PEAK1: variants seen among roughly 807,000 people sequenced by gnomAD.
PEAK1 encodes the protein pseudopodium enriched atypical kinase 1.
In PEAK1, 54 loss-of-function variants were observed where a neutral mutation model predicts 124.7. The observed-to-expected ratio is 0.43, with a 90% CI of 0.35 to 0.54. PEAK1 has a LOEUF of 0.54. Ranked by LOEUF, PEAK1 falls within the 20% of genes least tolerant of loss-of-function variation. PEAK1 has a pLI of 0.01. For missense variants in PEAK1, 2,046 were observed against 2,134.5 expected (o/e 0.96, Z 0.82); for synonymous variants, 719 against 760.0 (o/e 0.95, Z 0.89).
At chr15:77,343,593 C>G (rs1237658430) in intron 2 of PEAK1, among the ~76,000 whole-genome samples, 4 of 148,054 alleles carry the variant, frequency 2.7e-5, no homozygotes, top group African/African-American at 1.0e-4. Context: ...TTCAATGATT[C>G]TCCTGCCTCA....
At chr15:77,208,179 A>G (rs1251028917) in intron 6 of PEAK1, among the ~76,000 whole-genome samples, 1 of 152,202 alleles carries the variant, frequency 6.6e-6, no homozygotes, top group Non-Finnish European at 1.5e-5. Flanking sequence ...CTTTAATTCA[A>G]TACAATAATC....
intron 8 of PEAK1, among the ~76,000 whole-genome samples, chr15:77,148,900 C>T (rs913318796): frequency 1.6e-4 from 25 of 151,934 alleles, no homozygotes; most frequent in Non-Finnish European, 2.4e-4. Flanking sequence ...CCAGCATGGG[C>T]GATAGAGCAA....
chr15:77,371,107 G>A, intron 1 of PEAK1: 1 of 950,862 alleles, frequency 1.1e-6, no homozygotes, highest in Non-Finnish European at 1.3e-6. Flanking sequence ...GTGACTTTAA[G>A]GCTGAATTAT....
chr15:77,276,434 C>T lies in PEAK1; in HGVS notation c.-275+7449G>A, dbSNP rs1444535339. ...CCACGGAAGCCAGAAGGAACTGGCA[C>T]GATATCTTTCAGGTGCTAGGAGAAA... On this transcript the variant is annotated intron_variant, in intron 5 of 9. Transcript: ENST00000682557. Among the ~76,000 whole-genome samples the T allele has an allele frequency of 2.0e-5, 3 of 152,168 alleles. 1 individual carries two copies. The highest frequency in any genetic ancestry group is 4.1e-4 in the South Asian group (2 of 4,822).
At chr15:77,368,861 A>G (rs2068446653) in intron 1 of PEAK1, among the ~76,000 whole-genome samples, 1 of 152,154 alleles carries the variant, frequency 6.6e-6, no homozygotes, top group Non-Finnish European at 1.5e-5. Flanking sequence ...TGAGATAACT[A>G]CTCCATTATA....
chr15:77,296,867 C>T (rs115954900), intron 2 of PEAK1, among the ~76,000 whole-genome samples: 2,559 of 151,384 alleles, frequency 0.017, 119 homozygotes, highest in African/African-American at 0.058. Flanking sequence ...GAGAACGAGA[C>T]AAAGGAGGGA....
rs111894062 is a variant in PEAK1 at position 77,225,564 on chromosome 15, T to C, written c.-115+26803A>G. ...GCTTAAAAATAGTTGTGACATGAAATTTTCCTATAAGGTGTTCTGGTCCAG... is the reference window on the plus strand; with the variant it reads ...GCTTAAAAATAGTTGTGACATGAAACTTTCCTATAAGGTGTTCTGGTCCAG... On this transcript the variant is annotated intron_variant, in intron 6 of 9. Transcript: ENST00000682557. 3.2e-3 allele frequency among the ~76,000 whole-genome samples: 484 copies of C among 149,416 alleles called. 5 individuals carry two copies. Among genetic ancestry groups the C allele is most frequent in the African/African-American group, 0.012 (468 of 40,426 alleles).
chr15:77,109,750 G>C lies in PEAK1; in HGVS notation c.*4406C>G, dbSNP rs2152704094. On this transcript the variant is annotated 3_prime_UTR_variant, in exon 10 of 10. Coordinates refer to ENST00000682557, the MANE Select transcript of PEAK1 (RefSeq NM_001385026.1). ...GGGCAGCCATCCTGTTCACTCATTAGGCTGGAGCGGAATTTTCAATCCTTG... is the reference window on the plus strand; with the variant it reads ...GGGCAGCCATCCTGTTCACTCATTACGCTGGAGCGGAATTTTCAATCCTTG... The C allele has an allele frequency of 6.6e-6, 1 of 152,316 alleles. No individual in the cohort carries two copies. Among genetic ancestry groups the C allele is most frequent in the Non-Finnish European group, 1.5e-5 (1 of 68,036 alleles). 9.4% of individuals were successfully genotyped at this position (152,316 alleles called of 1,614,324 possible).
At chr15:77,157,638 C>A (rs2055271392) in intron 8 of PEAK1, 1 of 152,212 alleles carries the variant, frequency 6.6e-6, no homozygotes, top group Non-Finnish European at 1.5e-5. Context: ...TAACAGGGAT[C>A]TTTACTTTTT....
At chr15:77,402,486 A>C in intron 1 of PEAK1, 3 of 975,570 alleles carry the variant, frequency 3.1e-6, no homozygotes, top group Non-Finnish European at 3.7e-6. Context: ...TCAATATTTA[A>C]AATATTACAT....
At position 77,269,767 on chromosome 15, in the gene PEAK1, G is replaced by A. The variant is rs80152914; in HGVS notation, c.-275+14116C>T. Among the ~76,000 whole-genome samples the A allele has an allele frequency of 1.9e-3, 282 of 152,156 alleles. 6 individuals carry two copies. In the East Asian group the frequency reaches 0.05, roughly 27 times the overall value. ...AACTCTCAACAAATTTAAGAAAATC[G>A]AAATTATACAAAGCACTCTATTAGA... On this transcript the variant is annotated intron_variant, in intron 5 of 9. Coordinates refer to ENST00000682557, the MANE Select transcript of PEAK1 (RefSeq NM_001385026.1).
intron 6 of PEAK1, among the ~76,000 whole-genome samples, chr15:77,208,878 T>C (rs780574330): frequency 5.3e-5 from 8 of 152,178 alleles, no homozygotes; most frequent in Non-Finnish European, 1.0e-4. Context: ...TATTAAATAA[T>C]AATATTTGTC....
intron 2 of PEAK1, among the ~76,000 whole-genome samples, chr15:77,327,636 A>C (rs1430752204): frequency 6.6e-6 from 1 of 152,118 alleles, no homozygotes; most frequent in African/African-American, 2.4e-5. Context: ...GAAAAGAAGA[A>C]CTAGTTATAG....
intron 2 of PEAK1, among the ~76,000 whole-genome samples, chr15:77,303,654 A>G (rs1597199352): frequency 2.6e-5 from 4 of 152,224 alleles, no homozygotes; most frequent in Non-Finnish European, 1.5e-5. Context: ...CAAGTGTTAT[A>G]TAAGTGTTTT....
At chr15:77,410,446 G>A (rs1567368838) in intron 1 of PEAK1, among the ~76,000 whole-genome samples, 5 of 151,946 alleles carry the variant, frequency 3.3e-5, no homozygotes, top group Non-Finnish European at 1.5e-5. Flanking sequence ...TTTACAAAGT[G>A]GTATGATTTG....
intron 1 of PEAK1, among the ~76,000 whole-genome samples, chr15:77,388,847 T>C (rs184344789): frequency 1.9e-3 from 275 of 146,924 alleles, no homozygotes; most frequent in African/African-American, 5.8e-3. Flanking sequence ...CTTATATGAA[T>C]TGTTTACCAG....
chr15:77,162,046 A>C (rs1033084133), intron 7 of PEAK1, among the ~76,000 whole-genome samples: 1 of 151,916 alleles, frequency 6.6e-6, no homozygotes, highest in African/African-American at 2.4e-5. Flanking sequence ...ATATAACAAT[A>C]TACTATGACT....
intron 1 of PEAK1, among the ~76,000 whole-genome samples, chr15:77,377,809 C>T (rs1448842244): frequency 6.6e-6 from 1 of 152,134 alleles, no homozygotes; most frequent in Admixed American, 6.5e-5. Context: ...TTGACCAAAA[C>T]TTTGTCATTC....
At chr15:77,137,501 T>G (rs781344587) in intron 8 of PEAK1, among the ~76,000 whole-genome samples, 1 of 152,190 alleles carries the variant, frequency 6.6e-6, no homozygotes, top group Admixed American at 6.5e-5. Flanking sequence ...ATGCAAGACA[T>G]GGAATCAAGG....
Sources: gnomAD v4.1 joint callset for allele counts (sites outside exome capture counted in the v4.1 genomes callset) on GRCh38, gnomAD v4.1.1 for gene constraint, MANE v1.5 for transcripts, NCBI Gene and HGNC (gene_info 2026-07-23, HGNC 2026-07-21) for gene names.